CREG2: variants seen among roughly 807,000 people sequenced by gnomAD.
CREG2 encodes cellular repressor of E1A stimulated genes 2, also known as protein CREG2.
In CREG2, 24 loss-of-function variants were observed where a neutral mutation model predicts 26.2. That is an observed-to-expected ratio of 0.92 (90% CI 0.66 to 1.29). The LOEUF (loss-of-function observed/expected upper bound fraction) is 1.29. Among genes scored for constraint, CREG2 ranks in the 50% most tolerant of loss-of-function variants. The probability of loss-of-function intolerance (pLI) is 0.00; values close to 1 mark genes in which losing one functional copy is unlikely to be tolerated. For synonymous variants in CREG2, 174 were observed against 169.2 expected, an observed-to-expected ratio of 1.03 and a Z score of -0.22; for missense variants, 366 against 398.6, an observed-to-expected ratio of 0.92 and a Z score of 0.70.
rs114223500 is a variant in CREG2, at chr2:101,363,422, A to G, written c.612-8056T>C. On this transcript the variant is annotated intron_variant, in intron 2 of 3. Coordinates refer to ENST00000324768, the MANE Select transcript of CREG2 (RefSeq NM_153836.4). ...CTCTTGCTACAACAATTTCTTTTAC[A>G]CTCATATTTTTATGGGCTACAATTT... 4.2e-3 allele frequency among the ~76,000 whole-genome samples: 643 copies of G among 152,110 alleles called. 6 individuals carry two copies. The highest frequency in any genetic ancestry group is 0.015 in the African/African-American group (610 of 41,474).
chr2:101,363,161 C>T (rs1257971773), intron 2 of CREG2, among the ~76,000 whole-genome samples: 1 of 152,180 alleles, frequency 6.6e-6, no homozygotes, highest in East Asian at 1.9e-4. Flanking sequence ...AATATCTGTT[C>T]TTAGCGGGTG....
chr2:101,351,060 TC>T lies in CREG2; in HGVS notation c.735del (p.Met246Ter). The T allele has an allele frequency of 5.0e-6, 8 of 1,614,032 alleles. No homozygotes were observed. The highest frequency in any genetic ancestry group is 6.8e-6 in the Non-Finnish European group (8 of 1,179,968). On this transcript the variant is annotated frameshift_variant, in exon 4 of 4. Transcript: ENST00000324768. LOFTEE classifies it high-confidence loss of function. ...AKQAMFSRHP[G>X]MRKWPRQYEW... ...TCATATTGACGAGGCCACTTCCTCA[TC>T]CCTGGGTGCCTGCAGGAATAAAGAG...
chr2:101,369,760 A>G (rs1684675379), intron 2 of CREG2, among the ~76,000 whole-genome samples: 1 of 152,160 alleles, frequency 6.6e-6, no homozygotes, highest in Admixed American at 6.5e-5. Context: ...CTCGTTACCC[A>G]GCAGATGCTC....
At chr2:101,351,171 G>T in intron 3 of CREG2, 101 bp from the exon 4 acceptor site, 1 of 1,189,820 alleles carries the variant, frequency 8.4e-7, no homozygotes, top group South Asian at 1.6e-5. Context: ...CATTTGGGCT[G>T]ACAGCTGCTC....
intron 2 of CREG2, among the ~76,000 whole-genome samples, chr2:101,361,506 G>A (rs941672212): frequency 6.6e-6 from 1 of 152,192 alleles, no homozygotes; most frequent in African/African-American, 2.4e-5. Flanking sequence ...GAAGGGGCAC[G>A]AGCCTTGGGT....
intron 2 of CREG2, among the ~76,000 whole-genome samples, chr2:101,371,671 G>T (rs1168478962): frequency 6.6e-6 from 1 of 152,116 alleles, no homozygotes; most frequent in Non-Finnish European, 1.5e-5. Context: ...TTGCTGCTTC[G>T]AGGGTCACAC....
At position 101,349,509 on chromosome 2, in the gene CREG2, C is replaced by T. The variant is rs1684346759; in HGVS notation, c.*1414G>A. The T allele has an allele frequency of 6.6e-6, 1 of 152,496 alleles. No homozygotes were observed. The allele number at this position is 152,496 out of a possible 1,614,324, so 9.4% of individuals were successfully genotyped here. A position where few individuals can be genotyped will look rare whatever the true frequency, so the allele number is the denominator to read the frequency against. On this transcript the variant is annotated 3_prime_UTR_variant, in exon 4 of 4. Coordinates refer to ENST00000324768, the MANE Select transcript of CREG2 (RefSeq NM_153836.4). ...GTGATGTGTTTTTTATGTTATACAACCTCCCTAACCTACCAAAGAAAGTTT... is the reference window on the plus strand; with the variant it reads ...GTGATGTGTTTTTTATGTTATACAATCTCCCTAACCTACCAAAGAAAGTTT...
rs769614780 is a variant in CREG2 at position 101,355,318 on chromosome 2, G to A, written c.660C>T (p.Leu220=). Residue 220 remains leucine (L), a synonymous_variant, in exon 3 of 4, where the codon CTC becomes CTT. Coordinates refer to ENST00000324768, the MANE Select transcript of CREG2 (RefSeq NM_153836.4). ...PEDPRCVQLT[L]TGQMIAVSPE... Reference sequence around the variant, plus strand: ...GAGACACTGCGATCATCTGGCCAGTGAGCGTTAACTGGACACATCGGGGAT... The same window carrying A: ...GAGACACTGCGATCATCTGGCCAGTAAGCGTTAACTGGACACATCGGGGAT... The A allele has an allele frequency of 1.2e-6, 2 of 1,614,046 alleles. No homozygotes were observed. Among genetic ancestry groups the A allele is most frequent in the South Asian group, 2.2e-5 (2 of 91,064 alleles).
At chr2:101,363,826 G>A (rs1170841934) in intron 2 of CREG2, among the ~76,000 whole-genome samples, 2 of 149,200 alleles carry the variant, frequency 1.3e-5, no homozygotes, top group African/African-American at 2.5e-5. Flanking sequence ...CTCCAGCCTC[G>A]GTGACAGAGT....
intron 2 of CREG2, among the ~76,000 whole-genome samples, chr2:101,368,317 A>G (rs1573309684): frequency 9.3e-6 from 1 of 107,174 alleles, no homozygotes; most frequent in Non-Finnish European, 1.8e-5. Flanking sequence ...AAGAAAAAAG[A>G]AAAAAAAAAA....
chr2:101,369,828 G>A (rs1029616025), intron 2 of CREG2, among the ~76,000 whole-genome samples: 6 of 152,180 alleles, frequency 3.9e-5, no homozygotes, highest in Admixed American at 6.5e-5. Context: ...ATGGACCTGC[G>A]TGCACGTATT....
chr2:101,384,062 T>C (rs1684926264), intron 1 of CREG2, among the ~76,000 whole-genome samples: 1 of 152,178 alleles, frequency 6.6e-6, no homozygotes, highest in Non-Finnish European at 1.5e-5. Context: ...CTAAGCCTTT[T>C]CCACAAGCTG....
intron 2 of CREG2, chr2:101,375,570 T>TTTCAGGAGCC (rs973653618): frequency 1.3e-5 from 2 of 158,360 alleles, no homozygotes; most frequent in African/African-American, 4.8e-5. Flanking sequence ...ATAGGAATGT[T>TTTCAGGAGCC]TTCAGGAGCC....
At chr2:101,372,563 A>G (rs1376053801) in intron 2 of CREG2, among the ~76,000 whole-genome samples, 1 of 152,200 alleles carries the variant, frequency 6.6e-6, no homozygotes, top group Non-Finnish European at 1.5e-5. Context: ...CAGGAATGTT[A>G]CTTTAATTAT....
chr2:101,376,331 G>T lies in CREG2; in HGVS notation c.611+7202C>A, dbSNP rs551847254. On this transcript the variant is annotated intron_variant, in intron 2 of 3. Coordinates refer to ENST00000324768, the MANE Select transcript of CREG2 (RefSeq NM_153836.4). ...GTCACTCTGTTGCCCAAGCCGGAGT[G>T]CAGTGGCCTGATCTCAGCTCACTGC... is the stretch of plus-strand genomic sequence containing the variant. Among the ~76,000 whole-genome samples, 6 of 151,382 alleles carry T rather than the reference G, an allele frequency of 4.0e-5. No homozygotes were observed. The South Asian group carries it at 1.0e-3, about 26-fold the overall frequency.
At chr2:101,385,495 G>C (rs1022734679) in intron 1 of CREG2, among the ~76,000 whole-genome samples, 5 of 152,150 alleles carry the variant, frequency 3.3e-5, no homozygotes, top group Admixed American at 2.0e-4. Context: ...AAAATATTTA[G>C]TGCTGAGGTT....
intron 2 of CREG2, among the ~76,000 whole-genome samples, chr2:101,381,484 C>T (rs889215561): frequency 2.6e-5 from 4 of 152,196 alleles, no homozygotes; most frequent in Admixed American, 6.5e-5. Context: ...TATGGGAAGT[C>T]GTAGACCCTA....
At chr2:101,370,055 G>A (rs1017971003) in intron 2 of CREG2, among the ~76,000 whole-genome samples, 4 of 152,172 alleles carry the variant, frequency 2.6e-5, no homozygotes, top group Non-Finnish European at 5.9e-5. Context: ...CGGGAGCCAG[G>A]TTGCCTAGGA....
At chr2:101,353,569 A>T (rs1215749289) in intron 3 of CREG2, among the ~76,000 whole-genome samples, 1 of 152,214 alleles carries the variant, frequency 6.6e-6, no homozygotes, top group Non-Finnish European at 1.5e-5. Context: ...TTCCTTAAGG[A>T]TCTAGAACCA....
Sources: gnomAD v4.1 joint callset for allele counts (sites outside exome capture counted in the v4.1 genomes callset) on GRCh38, gnomAD v4.1.1 for gene constraint, MANE v1.5 for transcripts, NCBI Gene and HGNC (gene_info 2026-07-23, HGNC 2026-07-21) for gene names.